Variants in TIAM1 observed in about 807,000 individuals in gnomAD.
TIAM1 encodes the protein rho guanine nucleotide exchange factor TIAM1.
A neutral mutation model predicts 163.5 loss-of-function variants in TIAM1; 65 were observed. That is an observed-to-expected ratio of 0.40 (90% confidence interval 0.33 to 0.49). TIAM1 has a LOEUF of 0.49. Ranked by LOEUF, TIAM1 falls within the 20% of genes least tolerant of loss-of-function variation. The pLI is 0.77. For synonymous variants in TIAM1, 833 were observed against 810.1 expected, an observed-to-expected ratio of 1.03 and a Z score of -0.48; for missense variants, 1,789 against 2,044.7, an observed-to-expected ratio of 0.87 and a Z score of 2.41.
intron 12 of TIAM1, among the ~76,000 whole-genome samples, chr21:31,198,054 A>T (rs2085973708): frequency 6.6e-6 from 1 of 152,252 alleles, no homozygotes; most frequent in Non-Finnish European, 1.5e-5. Context: ...ATAGATTTTT[A>T]AAATTATTAC....
chr21:31,140,878 A>G (rs1329397524), intron 22 of TIAM1, among the ~76,000 whole-genome samples: 1 of 152,200 alleles, frequency 6.6e-6, no homozygotes, highest in Non-Finnish European at 1.5e-5. Context: ...AAAGCCAGAG[A>G]TCCCCAGGGT....
intron 2 of TIAM1, among the ~76,000 whole-genome samples, chr21:31,286,876 T>C (rs1267819094): frequency 2.0e-5 from 3 of 152,144 alleles, no homozygotes; most frequent in Non-Finnish European, 2.9e-5. Flanking sequence ...CAAAAGGCCT[T>C]GAGTCCCAAG....
rs984588263 is a variant in TIAM1 at position 31,120,223 on chromosome 21, A to G, written c.*145T>C. ...TTGAAAATGACAAAGTTGGGTGGCT[A>G]CATGGCTTCAGAACCAAGTCAGCTG... is the stretch of plus-strand genomic sequence containing the variant. On this transcript the variant is annotated 3_prime_UTR_variant, in exon 28 of 28. Coordinates refer to ENST00000541036, the MANE Select transcript of TIAM1 (RefSeq NM_001353694.2). The surrounding 1 kb of genome is among the most constrained non-coding windows in gnomAD (Gnocchi z 4.2). 8.2e-6 allele frequency: 6 copies of G among 731,978 alleles called. No individual in the cohort carries two copies. The highest frequency in any genetic ancestry group is 7.1e-5 in the African/African-American group (4 of 56,254). The allele number at this position is 731,978 out of a possible 1,614,324, so 45.3% of individuals were successfully genotyped here. A position where few individuals can be genotyped will look rare whatever the true frequency, so the allele number is the denominator to read the frequency against.
rs2044441960 is a variant in TIAM1 at position 31,442,070 on chromosome 21, A to ATATATATATATATATAT, written c.-369+21912_-369+21913insATATATATATATATATA. Among the ~76,000 whole-genome samples, 28 of 53,228 alleles carry ATATATATATATATATAT rather than the reference A, an allele frequency of 5.3e-4. 2 individuals are homozygous for ATATATATATATATATAT. In the East Asian group the frequency reaches 6.1e-3, roughly 12 times the overall value. 34.9% of individuals were successfully genotyped at this position (53,228 alleles called of 152,430 possible). A position where few individuals can be genotyped will look rare whatever the true frequency, so the allele number is the denominator to read the frequency against. On this transcript the variant is annotated intron_variant, in intron 2 of 28. Coordinates refer to the TIAM1 transcript ENST00000286827. ...GACCCTATCTCAGAACAAATAAATA[A>ATATATATATATATATAT]ATATATATATATATATAGAACAATA...
In TIAM1 at chr21:31,157,470, T is replaced by C. The variant is rs1207285427; in HGVS notation, c.2992-3044A>G. Among the ~76,000 whole-genome samples, 9 of 152,258 alleles carry C rather than the reference T, an allele frequency of 5.9e-5. No homozygotes were observed. The East Asian group carries it at 1.7e-3, about 29-fold the overall frequency. ...TATGATTGTATACTTTACAAGTTTT[T>C]ATTTTATAATGATTTGTATTCACTT... On this transcript the variant is annotated intron_variant, in intron 16 of 27. Transcript: ENST00000541036.
intron 2 of TIAM1, among the ~76,000 whole-genome samples, chr21:31,309,959 A>G (rs1189216671): frequency 6.6e-6 from 1 of 152,216 alleles, no homozygotes; most frequent in Non-Finnish European, 1.5e-5. Context: ...TAAGTCCAGA[A>G]ATGCAAATCA....
intron 11 of TIAM1, 116 bp from the exon 12 acceptor site, chr21:31,203,128 T>A: frequency 2.2e-6 from 2 of 902,368 alleles, no homozygotes; most frequent in Non-Finnish European, 3.4e-6. Context: ...TTGTTGTTGT[T>A]GTTGTTGTTT....
chr21:31,252,113 G>C lies in TIAM1; in HGVS notation c.1040C>G (p.Ser347Cys). ...GGAGTTGGTGGCATTAGATCGCCTG[G>C]ACAGGAGGTCCGTGTCGGTAGTGGC... is the stretch of plus-strand genomic sequence containing the variant. Reference protein sequence around the residue: ...EGATTDTDLLSRRSNATNSSY... With the variant: ...EGATTDTDLLCRRSNATNSSY... The change falls in exon 5 of 28, where the codon TCC becomes TGC. Residue 347 changes from serine (S) to cysteine (C), a missense_variant. Coordinates refer to ENST00000541036, the MANE Select transcript of TIAM1 (RefSeq NM_001353694.2). 6.2e-7 allele frequency: 1 copy of C among 1,613,496 alleles called. No homozygotes were observed. Among genetic ancestry groups the C allele is most frequent in the Non-Finnish European group, 8.5e-7 (1 of 1,180,030 alleles).
chr21:31,468,991 G>T (rs1485714309), intron 1 of TIAM1, among the ~76,000 whole-genome samples: 1 of 151,646 alleles, frequency 6.6e-6, no homozygotes, highest in African/African-American at 2.4e-5. Flanking sequence ...GCACCTGGAG[G>T]TCTCTCGATC....
chr21:31,329,728 C>T (rs1601989159), intron 2 of TIAM1, among the ~76,000 whole-genome samples: 1 of 152,214 alleles, frequency 6.6e-6, no homozygotes, highest in Middle Eastern at 3.4e-3. Flanking sequence ...AGGGATTCTC[C>T]CCTGCTGCCC....
chr21:31,401,922 A>T (rs1484656292), intron 2 of TIAM1, among the ~76,000 whole-genome samples: 1 of 151,562 alleles, frequency 6.6e-6, no homozygotes, highest in Non-Finnish European at 1.5e-5. Context: ...TAAAAAAAAA[A>T]AAAAATTGGA....
chr21:31,232,399 C>A (rs2088492864), intron 6 of TIAM1, among the ~76,000 whole-genome samples: 1 of 152,182 alleles, frequency 6.6e-6, no homozygotes, highest in Admixed American at 6.5e-5. Flanking sequence ...GAAGCCAAAT[C>A]AATTTCTCAG....
At chr21:31,378,609 T>C (rs2076728047) in intron 2 of TIAM1, among the ~76,000 whole-genome samples, 1 of 152,208 alleles carries the variant, frequency 6.6e-6, no homozygotes, top group Admixed American at 6.5e-5. Flanking sequence ...TTAACCATTT[T>C]ACTCCCATTT....
At chr21:31,195,127 G>T in intron 13 of TIAM1, 97 bp downstream of exon 13, 1 of 927,432 alleles carries the variant, frequency 1.1e-6, no homozygotes, top group Non-Finnish European at 1.7e-6. Flanking sequence ...ATCTGTTTTA[G>T]ATAGGACTCA....
upstream of TIAM1, among the ~76,000 whole-genome samples, chr21:31,345,626 G>A (rs2076134058): frequency 1.3e-5 from 2 of 152,006 alleles, no homozygotes; most frequent in African/African-American, 4.8e-5. Flanking sequence ...AATGAATTAA[G>A]CAAATAAACA....
chr21:31,340,029 A>G (rs2075967721), intron 1 of TIAM1, among the ~76,000 whole-genome samples: 1 of 152,038 alleles, frequency 6.6e-6, no homozygotes, highest in African/African-American at 2.4e-5. Flanking sequence ...TTCATTGAAA[A>G]TAACTCCACA....
chr21:31,249,971 C>A (rs1290903665), intron 5 of TIAM1, among the ~76,000 whole-genome samples: 3 of 151,854 alleles, frequency 2.0e-5, no homozygotes, highest in East Asian at 1.9e-4. Context: ...CATAGTAAGA[C>A]CCTGTCTCAA....
chr21:31,454,564 G>A (rs1207312916), intron 2 of TIAM1, among the ~76,000 whole-genome samples: 2 of 152,152 alleles, frequency 1.3e-5, no homozygotes, highest in African/African-American at 4.8e-5. Context: ...TGAGGAAGGG[G>A]CCATGTGGAA....
chr21:31,173,947 G>C (rs1057225454), intron 15 of TIAM1, among the ~76,000 whole-genome samples: 1 of 152,174 alleles, frequency 6.6e-6, no homozygotes, highest in South Asian at 2.1e-4. Flanking sequence ...CAGGGCCCAC[G>C]CAGGCAGGCC....
Sources: allele counts gnomAD v4.1 joint callset (sites outside exome capture counted in the v4.1 genomes callset), GRCh38; gene constraint gnomAD v4.1.1; non-coding constraint Gnocchi (gnomAD v3.1); transcripts MANE v1.5; gene names NCBI Gene and HGNC (gene_info 2026-07-23, HGNC 2026-07-21).